Variants in CDH13 observed in about 807,000 individuals in gnomAD.
CDH13 encodes the protein cadherin-13.
In CDH13, 24 loss-of-function variants were observed where a neutral mutation model predicts 63.8. The ratio of observed to expected loss-of-function variants is 0.38; its 90% CI spans 0.27 to 0.53. The LOEUF (loss-of-function observed/expected upper bound fraction) is 0.53, where lower values mean the gene tolerates loss of function less well. Ranked by LOEUF, CDH13 falls within the 20% of genes least tolerant of loss-of-function variation. The probability of loss-of-function intolerance (pLI) is 0.85; values close to 1 mark genes in which losing one functional copy is unlikely to be tolerated. For missense variants in CDH13, 1,049 were observed against 903.1 expected, an observed-to-expected ratio of 1.16 and a Z score of -2.07; for synonymous variants, 503 against 355.3, an observed-to-expected ratio of 1.42 and a Z score of -4.67.
chr16:83,464,178 G>C (rs1398039270), intron 6 of CDH13, among the ~76,000 whole-genome samples: 4 of 152,024 alleles, frequency 2.6e-5, no homozygotes, highest in African/African-American at 9.7e-5. Flanking sequence ...GGTTCAGGCA[G>C]TCTCTTGAGT....
At chr16:82,637,391 T>G (rs1019569782) in intron 1 of CDH13, among the ~76,000 whole-genome samples, 1 of 149,380 alleles carries the variant, frequency 6.7e-6, no homozygotes, top group African/African-American at 2.5e-5. Context: ...CCTAGGTACT[T>G]TATCCTCAGA....
At chr16:83,103,403 G>T (rs754478951) in intron 3 of CDH13, among the ~76,000 whole-genome samples, 1 of 150,610 alleles carries the variant, frequency 6.6e-6, no homozygotes, top group Non-Finnish European at 1.5e-5. Flanking sequence ...GTGCCACCAC[G>T]CCCGGCTGAT....
intron 3 of CDH13, among the ~76,000 whole-genome samples, chr16:83,092,932 C>T (rs1294794023): frequency 6.6e-6 from 1 of 152,114 alleles, no homozygotes; most frequent in African/African-American, 2.4e-5. Flanking sequence ...TACTTTTGCG[C>T]AAGATTTGTG....
intron 3 of CDH13, among the ~76,000 whole-genome samples, chr16:83,032,827 A>T (rs1916492888): frequency 6.6e-6 from 1 of 152,188 alleles, no homozygotes; most frequent in African/African-American, 2.4e-5. Flanking sequence ...AGTGAAAGAA[A>T]TGTAGTTCCT....
chr16:82,989,603 G>A (rs534896389), intron 2 of CDH13, among the ~76,000 whole-genome samples: 6 of 152,166 alleles, frequency 3.9e-5, no homozygotes, highest in African/African-American at 1.4e-4. Flanking sequence ...AGGCTGTGTG[G>A]ACCAGTGATA....
chr16:83,244,226 G>A (rs921678779), intron 5 of CDH13, among the ~76,000 whole-genome samples: 1 of 152,110 alleles, frequency 6.6e-6, no homozygotes, highest in African/African-American at 2.4e-5. Flanking sequence ...CTCCAAGAGG[G>A]CTGAGACTGC....
intron 10 of CDH13, among the ~76,000 whole-genome samples, chr16:83,698,276 A>G (rs1030273729): frequency 7.2e-5 from 11 of 152,262 alleles, no homozygotes; most frequent in Admixed American, 6.5e-4. Context: ...ACTTTAATAT[A>G]AAGAGTGCAA....
intron 1 of CDH13, among the ~76,000 whole-genome samples, chr16:82,820,055 C>T (rs1442476249): frequency 1.3e-5 from 2 of 152,066 alleles, no homozygotes; most frequent in South Asian, 2.1e-4. Flanking sequence ...CCTGGCTGTT[C>T]CCTGCACATG....
At chr16:83,681,448 T>C (rs1915394327) in intron 10 of CDH13, among the ~76,000 whole-genome samples, 1 of 152,162 alleles carries the variant, frequency 6.6e-6, no homozygotes, top group African/African-American at 2.4e-5. Flanking sequence ...CACATTTCTC[T>C]CTCTGGCCTC....
intron 3 of CDH13, among the ~76,000 whole-genome samples, chr16:83,104,958 C>G: frequency 6.6e-6 from 1 of 152,196 alleles, no homozygotes; most frequent in East Asian, 1.9e-4. Flanking sequence ...CTCTCATTTT[C>G]TCTGAGAAAG....
At position 83,279,782 on chromosome 16, in the gene CDH13, T is replaced by G. The variant is rs143707582; in HGVS notation, c.636+62285T>G. Among the ~76,000 whole-genome samples, 690 of 151,714 alleles carry G rather than the reference T, an allele frequency of 4.5e-3. 7 individuals carry two copies. Among genetic ancestry groups the G allele is most frequent in the African/African-American group, 0.016 (653 of 41,378 alleles). ...ATAATATAGGCGTAGCTCAGAGATA[T>G]CAAAGGTTGATTTCAGACCACCACA... is the stretch of plus-strand genomic sequence containing the variant. On this transcript the variant is annotated intron_variant, in intron 5 of 13. Coordinates refer to ENST00000567109, the MANE Select transcript of CDH13 (RefSeq NM_001257.5).
intron 7 of CDH13, among the ~76,000 whole-genome samples, chr16:83,602,107 C>CAAAAAAAAAAAAAAAAAAAAAAAAA (rs869202510): frequency 2.5e-4 from 2 of 7,960 alleles, no homozygotes; most frequent in East Asian, 3.8e-3. Flanking sequence ...AGAACAACAA[C>CAAAAAAAAAAAAAAAAAAAAAAAAA]AAAAAAAAAA....
At chr16:83,530,230 G>A (rs559577782) in intron 7 of CDH13, among the ~76,000 whole-genome samples, 201 of 152,340 alleles carry the variant, frequency 1.3e-3, no homozygotes, top group Non-Finnish European at 2.2e-3. Flanking sequence ...GCTTAAGTCA[G>A]TGAAGCTCTC....
At chr16:82,693,843 C>A (rs1398392268) in intron 1 of CDH13, among the ~76,000 whole-genome samples, 4 of 152,104 alleles carry the variant, frequency 2.6e-5, no homozygotes, top group Non-Finnish European at 5.9e-5. Context: ...CATTAAAATT[C>A]CAGTGAACTC....
chr16:82,815,530 C>A (rs564861975), intron 1 of CDH13, among the ~76,000 whole-genome samples: 1 of 152,280 alleles, frequency 6.6e-6, no homozygotes, highest in Admixed American at 6.5e-5. Context: ...ATATTATTTC[C>A]ATGTTCAGAA....
Position 83,443,477 on chromosome 16 carries a change from T to C in CDH13, c.782-43000T>C, listed in dbSNP as rs2072544007. 2.0e-5 allele frequency among the ~76,000 whole-genome samples: 3 copies of C among 152,064 alleles called. No homozygotes were observed. The South Asian group carries it at 6.2e-4, about 31-fold the overall frequency. On this transcript the variant is annotated intron_variant, in intron 6 of 13. Transcript: ENST00000567109. ...ATTTAATCAAAATGTCTAGAGAATT[T>C]TTACGGGTTACTAGCCCCTCACTTT...
At chr16:83,493,317 T>C (rs1286707908) in intron 7 of CDH13, among the ~76,000 whole-genome samples, 1 of 152,186 alleles carries the variant, frequency 6.6e-6, no homozygotes, top group African/African-American at 2.4e-5. Context: ...GCAAGTTTCT[T>C]TAAATTGAAT....
chr16:83,345,795 G>A (rs1411964768), intron 6 of CDH13, among the ~76,000 whole-genome samples: 7 of 151,634 alleles, frequency 4.6e-5, no homozygotes, highest in African/African-American at 1.7e-4. Context: ...ACACTTGAGT[G>A]AAAAAAAACA....
At chr16:83,348,443 C>A (rs184600159) in intron 6 of CDH13, among the ~76,000 whole-genome samples, 4 of 152,168 alleles carry the variant, frequency 2.6e-5, no homozygotes, top group Admixed American at 2.6e-4. Context: ...TTTTTCTGAG[C>A]CTACATAACC....
Sources: allele counts gnomAD v4.1 joint callset (sites outside exome capture counted in the v4.1 genomes callset), GRCh38; gene constraint gnomAD v4.1.1; transcripts MANE v1.5; gene names NCBI Gene and HGNC (gene_info 2026-07-23, HGNC 2026-07-21).